PDE8B: variants seen among roughly 807,000 people sequenced by gnomAD.
The protein encoded by PDE8B is high affinity cAMP-specific and IBMX-insensitive 3',5'-cyclic phosphodiesterase 8B.
Under a neutral mutation model 101.3 loss-of-function variants are expected in PDE8B, and 26 were observed. The observed-to-expected ratio is 0.26, with a 90% CI of 0.19 to 0.36. PDE8B has a LOEUF of 0.36. Ranked by LOEUF, PDE8B falls within the 10% of genes least tolerant of loss-of-function variation. PDE8B has a pLI of 1.00. For missense variants in PDE8B, 810 were observed against 1,163.1 expected (o/e 0.70, Z 4.42); for synonymous variants, 424 against 429.3 (o/e 0.99, Z 0.15).
At chr5:77,291,233 T>G in intron 1 of PDE8B, 1 of 1,611,694 alleles carries the variant, frequency 6.2e-7, no homozygotes, top group Admixed American at 1.7e-5. Flanking sequence ...TAAACAGACT[T>G]AAAAAGGCCT....
At chr5:77,376,237 G>GAATGT (rs1786111766) in intron 10 of PDE8B, among the ~76,000 whole-genome samples, 1 of 152,174 alleles carries the variant, frequency 6.6e-6, no homozygotes, top group South Asian at 2.1e-4. Context: ...CGAGTAGCTT[G>GAATGT]AATGTGTGAT....
the PDE8B span, among the ~76,000 whole-genome samples, chr5:77,170,841 A>G: frequency 6.6e-6 from 1 of 152,224 alleles, no homozygotes; most frequent in Non-Finnish European, 1.5e-5. Context: ...CAAGAAAAAA[A>G]TAACTTTGGT....
rs772962358 is a variant in PDE8B, at chr5:77,210,985, G to A, written c.60G>A (p.Ser20=). ...GCGGCGTGATCTACTGCCGGGACTC[G>A]GACGAGTCCAGCTCGCCCCGCCAGA... ...SQSGVIYCRD[S]DESSSPRQTT... The change falls in exon 1 of 22, where the codon TCG becomes TCA. Residue 20 remains serine, a synonymous_variant. Transcript: ENST00000264917. The surrounding 1 kb of genome is among the most constrained non-coding windows in gnomAD (Gnocchi z 4.9). 4 of 1,540,606 alleles carry A rather than the reference G, an allele frequency of 2.6e-6. No homozygotes were observed. The highest frequency in any genetic ancestry group is 1.4e-5 in the African/African-American group (1 of 70,238).
chr5:77,258,019 T>C (rs1273224757), intron 1 of PDE8B, among the ~76,000 whole-genome samples: 1 of 152,122 alleles, frequency 6.6e-6, no homozygotes, highest in Admixed American at 6.5e-5. Context: ...CCGGGTGCAG[T>C]GGCTCACACC....
At chr5:77,331,091 T>A (rs1452735688) in intron 4 of PDE8B, among the ~76,000 whole-genome samples, 1 of 152,204 alleles carries the variant, frequency 6.6e-6, no homozygotes, top group Admixed American at 6.5e-5. Context: ...TGTCCCTTTA[T>A]GGGACTGCTC....
intron 10 of PDE8B, among the ~76,000 whole-genome samples, chr5:77,360,050 C>T (rs537962542): frequency 2.0e-5 from 3 of 150,656 alleles, no homozygotes; most frequent in East Asian, 2.0e-4. Context: ...AAGATCATGC[C>T]GCTGCACTCC....
At chr5:77,178,735 A>C in the PDE8B span, among the ~76,000 whole-genome samples, 1 of 152,084 alleles carries the variant, frequency 6.6e-6, no homozygotes, top group African/African-American at 2.4e-5. Flanking sequence ...TGAAAGCGGC[A>C]ATCAATATCT....
At chr5:77,401,849 C>T (rs1792352619) in intron 11 of PDE8B, among the ~76,000 whole-genome samples, 1 of 152,134 alleles carries the variant, frequency 6.6e-6, no homozygotes, top group Non-Finnish European at 1.5e-5. Flanking sequence ...TTTCTCTAAA[C>T]TTTTAATCAC....
At chr5:77,123,340 A>G in the PDE8B span, among the ~76,000 whole-genome samples, 1 of 151,918 alleles carries the variant, frequency 6.6e-6, no homozygotes, top group Non-Finnish European at 1.5e-5. Context: ...CCTCTCAAAT[A>G]CTATAGTTGA....
chr5:77,381,769 G>A (rs904840873), intron 10 of PDE8B, among the ~76,000 whole-genome samples: 1 of 152,128 alleles, frequency 6.6e-6, no homozygotes, highest in African/African-American at 2.4e-5. Flanking sequence ...CTTGGGAGCA[G>A]GGGAAGGAGG....
intron 6 of PDE8B, among the ~76,000 whole-genome samples, chr5:77,339,420 C>T (rs1778798373): frequency 6.6e-6 from 1 of 152,162 alleles, no homozygotes; most frequent in Non-Finnish European, 1.5e-5. Flanking sequence ...CTGCCTCAAC[C>T]TTATTCAAGT....
intron 1 of PDE8B, among the ~76,000 whole-genome samples, chr5:77,303,303 G>T (rs546437797): frequency 1.3e-5 from 2 of 152,124 alleles, no homozygotes; most frequent in African/African-American, 2.4e-5. Flanking sequence ...ACTTCGGGAG[G>T]CCAAGGTGGA....
intron 13 of PDE8B, 54 bp downstream of exon 13, chr5:77,407,511 G>A (rs367837057): frequency 1.5e-5 from 19 of 1,270,802 alleles, no homozygotes; most frequent in Admixed American, 5.0e-5. Context: ...ACACAGGGCC[G>A]TGCTCTGAAA....
the PDE8B span, among the ~76,000 whole-genome samples, chr5:77,118,004 G>A: frequency 6.6e-6 from 1 of 151,870 alleles, no homozygotes; most frequent in Non-Finnish European, 1.5e-5. Flanking sequence ...GTGCAATCTC[G>A]GCTCACTGAA....
intron 1 of PDE8B, among the ~76,000 whole-genome samples, chr5:77,215,523 G>A (rs1027530854): frequency 6.6e-6 from 1 of 152,134 alleles, no homozygotes; most frequent in African/African-American, 2.4e-5. Flanking sequence ...GAATTTTTAA[G>A]GACTATCAGG....
intron 1 of PDE8B, among the ~76,000 whole-genome samples, chr5:77,267,835 A>G (rs192435067): frequency 1.3e-5 from 2 of 152,362 alleles, no homozygotes; most frequent in Admixed American, 1.3e-4. Flanking sequence ...CAGTTAGAAT[A>G]AAGAGTTCAG....
At chr5:77,263,082 A>G (rs1022370719) in intron 1 of PDE8B, among the ~76,000 whole-genome samples, 32 of 152,204 alleles carry the variant, frequency 2.1e-4, no homozygotes, top group Non-Finnish European at 4.4e-4. Flanking sequence ...TATGCTTTGG[A>G]GACAGTGTTA....
At chr5:77,306,655 A>C (rs1451063609) in intron 1 of PDE8B, among the ~76,000 whole-genome samples, 1 of 152,206 alleles carries the variant, frequency 6.6e-6, no homozygotes, top group Admixed American at 6.5e-5. Flanking sequence ...GGAAGGCTCT[A>C]AAACTCGATG....
the PDE8B span, among the ~76,000 whole-genome samples, chr5:77,198,461 A>T: frequency 6.6e-6 from 1 of 152,074 alleles, no homozygotes; most frequent in Non-Finnish European, 1.5e-5. Flanking sequence ...CTGCCCCATA[A>T]ATCCCAGCTA....
Sources: gnomAD v4.1 joint callset for allele counts (sites outside exome capture counted in the v4.1 genomes callset) on GRCh38, gnomAD v4.1.1 for gene constraint, Gnocchi (gnomAD v3.1) non-coding constraint, MANE v1.5 for transcripts, NCBI Gene and HGNC (gene_info 2026-07-23, HGNC 2026-07-21) for gene names.